Variants in REV3L observed in about 807,000 individuals in gnomAD.
REV3L encodes the protein DNA polymerase zeta catalytic subunit.
Under a neutral mutation model 299.4 loss-of-function variants are expected in REV3L, and 69 were observed. The ratio of observed to expected loss-of-function variants is 0.23; its 90% CI spans 0.19 to 0.28. The LOEUF is 0.28. Among genes scored for constraint, REV3L ranks in the 10% least tolerant of loss-of-function variants. The pLI, the probability that REV3L is intolerant of heterozygous loss-of-function variation, is 1.00. For synonymous variants in REV3L, 1,238 were observed against 1,271.4 expected (o/e 0.97, Z 0.56); for missense variants, 3,128 against 3,693.8 (o/e 0.85, Z 3.97).
rs145254427 is a variant in REV3L, at chr6:111,454,631, T to C, written c.139+28119A>G. The stretch of plus-strand genomic sequence containing the variant: ...ATTTGACTATTGTAGGTATCTCATA[T>C]AAGTGGAATCATGTATTTGTCCTTC... On this transcript the variant is annotated intron_variant, in intron 1 of 31. Coordinates refer to ENST00000368802, the MANE Select transcript of REV3L (RefSeq NM_001372078.1). Among the ~76,000 whole-genome samples the C allele has an allele frequency of 1.9e-4, 29 of 152,272 alleles. No homozygotes were observed. The East Asian group carries it at 5.0e-3, about 26-fold the overall frequency.
chr6:111,445,181 AGT>A (rs1788698537), intron 1 of REV3L, among the ~76,000 whole-genome samples: 1 of 152,226 alleles, frequency 6.6e-6, no homozygotes, highest in Admixed American at 6.5e-5. Flanking sequence ...TGAAGAAAAA[AGT>A]GTTAACAAGA....
At chr6:111,307,861 G>A (rs1010509156) in intron 30 of REV3L, 12 of 343,508 alleles carry the variant, frequency 3.5e-5, no homozygotes, top group South Asian at 8.9e-5. Flanking sequence ...ATGTATACAT[G>A]TGCCATGTTG....
At chr6:111,338,966 G>A (rs997441796) in intron 21 of REV3L, among the ~76,000 whole-genome samples, 4 of 152,104 alleles carry the variant, frequency 2.6e-5, no homozygotes, top group African/African-American at 9.7e-5. Flanking sequence ...AAGCTGCTAC[G>A]TGACCCTAGG....
At chr6:111,330,824 A>G (rs1414660768) in intron 24 of REV3L, 2 of 183,002 alleles carry the variant, frequency 1.1e-5, no homozygotes, top group African/African-American at 4.8e-5. Flanking sequence ...GATCTCATCT[A>G]CATCAGTCCT....
Position 111,367,740 on chromosome 6 carries a change from G to A in REV3L, c.6048C>T (p.Tyr2016=), listed in dbSNP as rs753982547. 2.5e-5 allele frequency: 41 copies of A among 1,614,030 alleles called. No individual in the cohort carries two copies. The highest frequency in any genetic ancestry group is 4.4e-5 in the South Asian group (4 of 91,090). The change falls in exon 14 of 32, where the codon TAC becomes TAT. Residue 2016 remains tyrosine (Y), a synonymous_variant. Coordinates refer to ENST00000368802, the MANE Select transcript of REV3L (RefSeq NM_001372078.1). The part of the protein sequence containing the change: ...VQVWLQAKEE[Y]ERSKKLPKTK... Reference sequence around the variant, plus strand: ...TTTTAGGCAGTTTCTTGGAACGTTCGTATTCTTCTTTGGCTTGAAGCCACA... The same window carrying A: ...TTTTAGGCAGTTTCTTGGAACGTTCATATTCTTCTTTGGCTTGAAGCCACA...
chr6:111,379,354 T>A (rs923174059), intron 11 of REV3L, among the ~76,000 whole-genome samples: 1 of 152,216 alleles, frequency 6.6e-6, no homozygotes, highest in Non-Finnish European at 1.5e-5. Flanking sequence ...ATCTAGCCTA[T>A]AGAAGTTTAA....
At position 111,374,074 on chromosome 6, in the gene REV3L, C is replaced by G; in HGVS notation, c.4281G>C (p.Gln1427His). Residue 1427 changes from glutamine to histidine, a missense_variant, in exon 13 of 32, where the codon CAG (glutamine) becomes CAC (histidine). Around this residue, in one of 9 missense-constraint regions of REV3L, gnomAD observed 2,409 missense variants for 2,611.8 expected, o/e 0.92. Transcript: ENST00000368802. ...PNFLHCKDSQ[Q>H]QIVCIAEQSK... ...ACTGTTCCGCTATGCACACAATCTG[C>G]TGCTGACTGTCTTTGCAATGCAAAA... 1.2e-6 allele frequency: 2 copies of G among 1,614,122 alleles called. No homozygotes were observed. The highest frequency in any genetic ancestry group is 1.7e-6 in the Non-Finnish European group (2 of 1,179,964).
At chr6:111,314,468 C>T (rs1477405342) in intron 27 of REV3L, among the ~76,000 whole-genome samples, 1 of 152,132 alleles carries the variant, frequency 6.6e-6, no homozygotes, top group Non-Finnish European at 1.5e-5. Context: ...GAACAAGCAG[C>T]CCCGGTGAAA....
intron 1 of REV3L, among the ~76,000 whole-genome samples, chr6:111,419,685 T>G (rs1050760293): frequency 3.9e-5 from 6 of 152,230 alleles, no homozygotes; most frequent in African/African-American, 1.4e-4. Flanking sequence ...CCAGCTTTTT[T>G]CAACATCTAG....
Position 111,416,417 on chromosome 6 carries a change from G to A in REV3L, c.195C>T (p.Tyr65=), listed in dbSNP as rs780253385. The A allele has an allele frequency of 2.7e-5, 43 of 1,613,604 alleles. No homozygotes were observed. The highest frequency in any genetic ancestry group is 3.1e-5 in the Non-Finnish European group (36 of 1,179,752). ...HGIFPYLYVP[Y]DGYGQQPESY... is the part of the protein sequence containing the mutation. ...TTTCTGGCTGCTGTCCATAACCATCGTATGGCACATAGAGGTAAGGAAAGA... is the reference window on the plus strand; with the variant it reads ...TTTCTGGCTGCTGTCCATAACCATCATATGGCACATAGAGGTAAGGAAAGA... Residue 65 remains tyrosine, a synonymous_variant, in exon 2 of 32, where the codon TAC becomes TAT. Transcript: ENST00000368802.
At chr6:111,341,760 G>GT (rs1292848330) in intron 21 of REV3L, among the ~76,000 whole-genome samples, 1 of 151,952 alleles carries the variant, frequency 6.6e-6, no homozygotes, top group South Asian at 2.1e-4. Context: ...AGGAGTTGGG[G>GT]GGGGTCAGAA....
chr6:111,482,679 T>TGCGCGGCGGGGAGGGCGGCCCCG, intron 1 of REV3L, 71 bp downstream of exon 1: 1 of 1,004,456 alleles, frequency 1.0e-6, no homozygotes, highest in Non-Finnish European at 1.2e-6. Context: ...TGTGCGCGTG[T>TGCGCGGCGGGGAGGGCGGCCCCG]GCGCGGCGGG....
intron 23 of REV3L, among the ~76,000 whole-genome samples, 167 bp from the exon 24 acceptor site, chr6:111,331,951 T>C (rs1374927730): frequency 6.6e-6 from 1 of 152,192 alleles, no homozygotes; most frequent in Non-Finnish European, 1.5e-5. Flanking sequence ...CAAAATAGTT[T>C]TTCAAATATT....
At chr6:111,447,376 A>C (rs1010580426) in intron 1 of REV3L, among the ~76,000 whole-genome samples, 2 of 152,132 alleles carry the variant, frequency 1.3e-5, no homozygotes, top group East Asian at 1.9e-4. Flanking sequence ...GAAATTAATA[A>C]AGAGACAAAA....
At chr6:111,479,921 A>T (rs2128346311) in intron 1 of REV3L, among the ~76,000 whole-genome samples, 1 of 152,366 alleles carries the variant, frequency 6.6e-6, no homozygotes, top group South Asian at 2.1e-4. Context: ...TACGTCCTCA[A>T]AACACAGAAC....
intron 1 of REV3L, among the ~76,000 whole-genome samples, chr6:111,481,143 C>A (rs552282123): frequency 2.4e-4 from 36 of 152,252 alleles, no homozygotes; most frequent in Non-Finnish European, 4.4e-4. Flanking sequence ...ACCATACAAG[C>A]TGTAATACAC....
Position 111,376,016 on chromosome 6 carries a change from T to G in REV3L, c.2339A>C (p.Gln780Pro), listed in dbSNP as rs766007854. The change falls in exon 13 of 32, where the codon CAA becomes CCA. Residue 780 changes from glutamine (Q) to proline (P), a missense_variant. Coordinates refer to ENST00000368802, the MANE Select transcript of REV3L (RefSeq NM_001372078.1). The part of the protein sequence containing the change: ...NKLKIRYEEF[Q>P]EHKTEKPSLS... ...GCTTGGCTTTTCTGTTTTATGTTCT[T>G]GAAATTCTTCATACCTAATTTTAAG... 1.2e-6 allele frequency: 2 copies of G among 1,613,956 alleles called. No homozygotes were observed. The highest frequency in any genetic ancestry group is 1.1e-5 in the South Asian group (1 of 91,056).
intron 26 of REV3L, among the ~76,000 whole-genome samples, chr6:111,316,647 C>G (rs912497372): frequency 3.5e-5 from 5 of 141,122 alleles, no homozygotes; most frequent in African/African-American, 5.3e-5. Flanking sequence ...GTCTGGGTGA[C>G]AGAGCAAGAC....
chr6:111,430,195 C>G (rs1786722132), intron 1 of REV3L: 1 of 809,538 alleles, frequency 1.2e-6, no homozygotes, highest in Non-Finnish European at 2.2e-6. Context: ...CTCACAAGCA[C>G]TTTAGCCAAA....
Sources: allele counts gnomAD v4.1 joint callset (sites outside exome capture counted in the v4.1 genomes callset), GRCh38; gene constraint gnomAD v4.1.1; regional missense constraint gnomAD v4.1.1; transcripts MANE v1.5; gene names NCBI Gene and HGNC (gene_info 2026-07-23, HGNC 2026-07-21).